RFX3: variants seen among roughly 807,000 people sequenced by gnomAD.
RFX3 encodes the protein regulatory factor X3.
In RFX3, 14 loss-of-function variants were observed where a neutral mutation model predicts 98.6. The ratio of observed to expected loss-of-function variants is 0.14; its 90% confidence interval spans 0.09 to 0.22. The LOEUF is 0.22. Ranked by LOEUF, RFX3 falls within the 10% of genes least tolerant of loss-of-function variation. The pLI, the probability that RFX3 is intolerant of heterozygous loss-of-function variation, is 1.00. For synonymous variants in RFX3, 383 were observed against 328.4 expected, an observed-to-expected ratio of 1.17 and a Z score of -1.80; for missense variants, 639 against 926.9, an observed-to-expected ratio of 0.69 and a Z score of 4.03.
chr9:3,487,913 C>A (rs893308128), intron 1 of RFX3, among the ~76,000 whole-genome samples: 1 of 152,098 alleles, frequency 6.6e-6, no homozygotes, highest in Admixed American at 6.6e-5. Context: ...GGAAACAATT[C>A]CTTCCCCATA....
chr9:3,322,781 T>A (rs1259898339), intron 4 of RFX3, among the ~76,000 whole-genome samples: 1 of 152,142 alleles, frequency 6.6e-6, no homozygotes, highest in Admixed American at 6.6e-5. Context: ...TCTTATTAGT[T>A]GTTATAGTTT....
chr9:3,464,552 T>C (rs1435670435), intron 1 of RFX3, among the ~76,000 whole-genome samples: 2 of 152,182 alleles, frequency 1.3e-5, no homozygotes, highest in Non-Finnish European at 1.5e-5. Context: ...TATAAAATTC[T>C]AGAAACAGCA....
At chr9:3,371,081 C>T (rs1329563817) in intron 2 of RFX3, among the ~76,000 whole-genome samples, 2 of 152,106 alleles carry the variant, frequency 1.3e-5, no homozygotes, top group East Asian at 3.8e-4. Context: ...GGAGTAAAGT[C>T]ATTCAATTTA....
chr9:3,356,963 GCACACACACGCACACACA>G (rs1563979575), intron 2 of RFX3, among the ~76,000 whole-genome samples: 2 of 140,846 alleles, frequency 1.4e-5, no homozygotes, highest in East Asian at 4.0e-4. Flanking sequence ...ATACACACAT[GCACACACACGCACACACA>G]CACACACACA....
In RFX3 at chr9:3,366,703, T is replaced by TTTCTTTCTTTCTTTCTTTC. The variant is rs1554681281; in HGVS notation, c.118-19958_118-19940dup. ...CTTTCTTCTTTCTTTCCTTTCTTTC[T>TTTCTTTCTTTCTTTCTTTC]TTCTTTCTTTCTTTCTTTCTTTCTT... On this transcript the variant is annotated intron_variant, in intron 2 of 16. Transcript: ENST00000617270. 1.3e-4 allele frequency among the ~76,000 whole-genome samples: 15 copies of TTTCTTTCTTTCTTTCTTTC among 118,280 alleles called. No homozygotes were observed. In the East Asian group the frequency reaches 4.0e-3, roughly 32 times the overall value. The allele number at this position is 118,280 out of a possible 152,430, so 77.6% of individuals were successfully genotyped here. A position where few individuals can be genotyped will look rare whatever the true frequency, so the allele number is the denominator to read the frequency against.
chr9:3,344,679 G>A (rs749465229), intron 3 of RFX3: 3 of 588,132 alleles, frequency 5.1e-6, no homozygotes, highest in East Asian at 5.8e-5. Context: ...TCCCCTGCAG[G>A]TGCCCATTAC....
chr9:3,244,785 T>TTGTTTGTTTTACA (rs1303139970), intron 15 of RFX3, among the ~76,000 whole-genome samples: 2 of 152,220 alleles, frequency 1.3e-5, no homozygotes, highest in Non-Finnish European at 2.9e-5. Flanking sequence ...TCAAAGCACT[T>TTGTTTGTTTTACA]AACAAAGTTT....
intron 1 of RFX3, among the ~76,000 whole-genome samples, chr9:3,455,994 C>T (rs1289289233): frequency 6.6e-6 from 1 of 152,140 alleles, no homozygotes; most frequent in African/African-American, 2.4e-5. Flanking sequence ...GTCAAGGTGT[C>T]GGCAGATTTG....
intron 1 of RFX3, among the ~76,000 whole-genome samples, chr9:3,407,813 G>A (rs1166432448): frequency 2.6e-5 from 4 of 152,184 alleles, no homozygotes; most frequent in East Asian, 3.9e-4. Flanking sequence ...TGTCTATTCT[G>A]TAGATCTCAG....
chr9:3,422,754 G>C (rs981113672), intron 1 of RFX3, among the ~76,000 whole-genome samples: 1 of 152,104 alleles, frequency 6.6e-6, no homozygotes, highest in South Asian at 2.1e-4. Context: ...CTGAACACCT[G>C]TACTATGTAA....
intron 1 of RFX3, among the ~76,000 whole-genome samples, chr9:3,499,052 C>T (rs1407838135): frequency 7.2e-5 from 11 of 152,048 alleles, no homozygotes; most frequent in Non-Finnish European, 4.4e-5. Context: ...GGACAAAATG[C>T]TAAACATACA....
At chr9:3,488,774 A>G in intron 1 of RFX3, 1 of 985,280 alleles carries the variant, frequency 1.0e-6, no homozygotes, top group African/African-American at 1.7e-5. Flanking sequence ...CAGAGGACTT[A>G]CGCAGAACCA....
chr9:3,371,010 C>T (rs1350629246), intron 2 of RFX3, among the ~76,000 whole-genome samples: 1 of 151,844 alleles, frequency 6.6e-6, no homozygotes, highest in African/African-American at 2.4e-5. Context: ...TAAGATGAAT[C>T]CTTTTTTAAA....
At chr9:3,402,116 T>C (rs957408812) in intron 1 of RFX3, among the ~76,000 whole-genome samples, 2 of 152,194 alleles carry the variant, frequency 1.3e-5, no homozygotes, top group Non-Finnish European at 2.9e-5. Context: ...GGATTAATAG[T>C]CTGACCTAAT....
At chr9:3,349,706 G>A (rs968494664) in intron 2 of RFX3, among the ~76,000 whole-genome samples, 3 of 151,862 alleles carry the variant, frequency 2.0e-5, no homozygotes, top group East Asian at 1.9e-4. Flanking sequence ...AAGTGCCCAC[G>A]TGTGAATACA....
intron 4 of RFX3, among the ~76,000 whole-genome samples, chr9:3,314,749 A>C (rs1053978638): frequency 1.3e-5 from 2 of 152,232 alleles, no homozygotes; most frequent in African/African-American, 4.8e-5. Flanking sequence ...AACAGACTTT[A>C]AACCACAAAG....
Position 3,275,615 on chromosome 9 carries a change from GT to G in RFX3, c.974-4del. ...CTCTGGAAGTGCTCGAGATGCATCT[GT>G]TACCGTGACAACAGAACAGAAAAAA... On this transcript the variant is annotated splice_polypyrimidine_tract_variant and splice_region_variant and intron_variant, in intron 8 of 16. Coordinates refer to ENST00000617270, the MANE Select transcript of RFX3 (RefSeq NM_001282116.2). The G allele has an allele frequency of 6.4e-7, 1 of 1,574,206 alleles. No individual in the cohort carries two copies. Among genetic ancestry groups the G allele is most frequent in the Non-Finnish European group, 8.7e-7 (1 of 1,144,392 alleles).
chr9:3,304,924 T>C (rs1309111841), intron 4 of RFX3, among the ~76,000 whole-genome samples: 1 of 152,086 alleles, frequency 6.6e-6, no homozygotes, highest in Non-Finnish European at 1.5e-5. Flanking sequence ...TCTTTAACTT[T>C]TGAGGAGTCT....
rs575440853 is a variant in RFX3, at chr9:3,392,380, A to G, written c.117+3092T>C. 3.9e-5 allele frequency among the ~76,000 whole-genome samples: 6 copies of G among 152,180 alleles called. No individual in the cohort carries two copies. In the East Asian group the frequency reaches 1.2e-3, roughly 29 times the overall value. The stretch of plus-strand genomic sequence containing the variant: ...ATCTTCAGAAAGGTAAAAGAAAACC[A>G]TGAATTAAAACATGATATTACGAAA... On this transcript the variant is annotated intron_variant, in intron 2 of 16. Transcript: ENST00000617270.
Sources: gnomAD v4.1 joint callset for allele counts (sites outside exome capture counted in the v4.1 genomes callset) on GRCh38, gnomAD v4.1.1 for gene constraint, MANE v1.5 for transcripts, NCBI Gene and HGNC (gene_info 2026-07-23, HGNC 2026-07-21) for gene names.